ADIPOR2: variants seen among roughly 807,000 people sequenced by gnomAD.
ADIPOR2 encodes the protein adiponectin receptor protein 2.
A neutral mutation model predicts 40.9 loss-of-function variants in ADIPOR2; 18 were observed. The ratio of observed to expected loss-of-function variants is 0.44; its 90% CI spans 0.30 to 0.65. The LOEUF (loss-of-function observed/expected upper bound fraction) is 0.65. Among genes scored for constraint, ADIPOR2 ranks in the 30% least tolerant of loss-of-function variants. The probability of loss-of-function intolerance (pLI) is 0.09; values close to 1 mark genes in which losing one functional copy is unlikely to be tolerated. For missense variants in ADIPOR2, 283 were observed against 479.2 expected (o/e 0.59, Z 3.82); for synonymous variants, 165 against 166.4 (o/e 0.99, Z 0.06).
intron 3 of ADIPOR2, among the ~76,000 whole-genome samples, chr12:1,773,492 T>A (rs1862527222): frequency 6.6e-6 from 1 of 151,620 alleles, no homozygotes; most frequent in South Asian, 2.1e-4. Context: ...ATTGTCTTGA[T>A]TCCCTAGGAC....
intron 1 of ADIPOR2, among the ~76,000 whole-genome samples, chr12:1,742,280 A>T (rs1257663507): frequency 6.6e-6 from 1 of 152,150 alleles, no homozygotes; most frequent in Non-Finnish European, 1.5e-5. Context: ...TTTTGTAGAG[A>T]CGGAGTCTTG....
chr12:1,719,755 A>G (rs1031845187), intron 1 of ADIPOR2, among the ~76,000 whole-genome samples: 7 of 151,430 alleles, frequency 4.6e-5, no homozygotes, highest in African/African-American at 1.2e-4. Context: ...GCTCACTGCA[A>G]CCTCCGCCTC....
chr12:1,754,705 CTACTACTACTACT>C (rs1862081077), intron 2 of ADIPOR2, among the ~76,000 whole-genome samples, 191 bp downstream of exon 2: 1 of 64,118 alleles, frequency 1.6e-5, no homozygotes, highest in African/African-American at 6.7e-5. Context: ...ATTATTACTA[CTACTACTACTACT>C]ACTACTACTA....
At chr12:1,782,730 T>TA (rs1480862067) in intron 6 of ADIPOR2, among the ~76,000 whole-genome samples, 1 of 152,076 alleles carries the variant, frequency 6.6e-6, no homozygotes, top group Non-Finnish European at 1.5e-5. Flanking sequence ...TCCAGAAGTT[T>TA]AAAAAAACAT....
chr12:1,723,427 G>T (rs1330146397), intron 1 of ADIPOR2, among the ~76,000 whole-genome samples: 2 of 143,732 alleles, frequency 1.4e-5, no homozygotes, highest in African/African-American at 5.2e-5. Flanking sequence ...GTCAGGAATT[G>T]GAGCCTGGCC....
chr12:1,703,252 C>T (rs1251492442), intron 1 of ADIPOR2, among the ~76,000 whole-genome samples: 1 of 152,058 alleles, frequency 6.6e-6, no homozygotes, highest in African/African-American at 2.4e-5. Flanking sequence ...AAGTATTTTG[C>T]AGAGAAAATA....
intron 1 of ADIPOR2, among the ~76,000 whole-genome samples, chr12:1,705,357 G>A (rs757217908): frequency 2.0e-5 from 3 of 152,032 alleles, no homozygotes; most frequent in South Asian, 2.1e-4. Flanking sequence ...CCTTGTATTA[G>A]CATTTTTATG....
intron 7 of ADIPOR2, 28 bp from the exon 8 acceptor site, chr12:1,785,915 AC>A (rs747236043): frequency 6.2e-7 from 1 of 1,612,270 alleles, no homozygotes; most frequent in Non-Finnish European, 8.5e-7. Flanking sequence ...GGGTTTCTCT[AC>A]CCCCTTCTCT....
At chr12:1,717,911 A>G (rs1032904694) in intron 1 of ADIPOR2, among the ~76,000 whole-genome samples, 5 of 152,110 alleles carry the variant, frequency 3.3e-5, no homozygotes, top group Non-Finnish European at 7.4e-5. Context: ...TATAATAAGT[A>G]TTTTTTAAAT....
At chr12:1,767,847 ATTTG>A (rs999278113) in intron 2 of ADIPOR2, among the ~76,000 whole-genome samples, 1 of 152,188 alleles carries the variant, frequency 6.6e-6, no homozygotes, top group Non-Finnish European at 1.5e-5. Context: ...ATAAACAAAT[ATTTG>A]TTTGGTAAGT....
intron 1 of ADIPOR2, among the ~76,000 whole-genome samples, chr12:1,699,015 C>T (rs1356849204): frequency 1.3e-5 from 2 of 152,136 alleles, no homozygotes; most frequent in African/African-American, 4.8e-5. Context: ...GTTCCCGGGC[C>T]TCCCTTAGGT....
chr12:1,769,209 C>T (rs148780982), intron 2 of ADIPOR2, among the ~76,000 whole-genome samples: 3 of 152,224 alleles, frequency 2.0e-5, no homozygotes, highest in African/African-American at 7.2e-5. Context: ...TTAAATATAG[C>T]GTCTAGCATA....
intron 1 of ADIPOR2, among the ~76,000 whole-genome samples, chr12:1,708,921 T>A (rs934235438): frequency 6.6e-6 from 1 of 152,108 alleles, no homozygotes; most frequent in African/African-American, 2.4e-5. Flanking sequence ...GGTTTCACCA[T>A]GTTGGCCAGG....
chr12:1,721,112 TAAACTTTG>T lies in ADIPOR2; in HGVS notation c.-87+29922_-87+29929del, dbSNP rs2094697007. On this transcript the variant is annotated intron_variant, in intron 1 of 7. Coordinates refer to ENST00000357103, the MANE Select transcript of ADIPOR2 (RefSeq NM_024551.3). ...CAAGTCTCCCCGAAATGTATAAAACTAAACTTTGCCCCGGCCACCTTGAGCACATGTTG... is the reference window on the plus strand; with the variant it reads ...CAAGTCTCCCCGAAATGTATAAAACTCCCCGGCCACCTTGAGCACATGTTG... Among the ~76,000 whole-genome samples the T allele has an allele frequency of 2.0e-5, 3 of 150,930 alleles. No homozygotes were observed. In the South Asian group the frequency reaches 6.3e-4, roughly 32 times the overall value.
chr12:1,754,622 G>A (rs753576359), intron 2 of ADIPOR2, 108 bp downstream of exon 2: 30 of 1,127,690 alleles, frequency 2.7e-5, no homozygotes, highest in Non-Finnish European at 3.4e-5. Context: ...GGGAGGATGG[G>A]GTGGTAAGAA....
intron 2 of ADIPOR2, among the ~76,000 whole-genome samples, chr12:1,760,016 ACT>A (rs1182699613): frequency 6.6e-6 from 1 of 151,692 alleles, no homozygotes; most frequent in African/African-American, 2.4e-5. Context: ...ACAGAGTAAG[ACT>A]CTGTCTCGGG....
At chr12:1,741,019 A>G (rs189636965) in intron 1 of ADIPOR2, among the ~76,000 whole-genome samples, 1 of 152,146 alleles carries the variant, frequency 6.6e-6, no homozygotes, top group Non-Finnish European at 1.5e-5. Flanking sequence ...CTAGGGCCTG[A>G]TGTTGATCAA....
At chr12:1,740,139 A>G (rs1273499806) in intron 1 of ADIPOR2, among the ~76,000 whole-genome samples, 1 of 152,184 alleles carries the variant, frequency 6.6e-6, no homozygotes, top group Non-Finnish European at 1.5e-5. Flanking sequence ...GTGGCTGTAT[A>G]AAGGATTATG....
chr12:1,708,490 C>G (rs1328156795), intron 1 of ADIPOR2, among the ~76,000 whole-genome samples: 1 of 152,098 alleles, frequency 6.6e-6, no homozygotes, highest in African/African-American at 2.4e-5. Flanking sequence ...ATTTTGGAAG[C>G]CTTACAGTTT....
Sources: allele counts gnomAD v4.1 joint callset (sites outside exome capture counted in the v4.1 genomes callset), GRCh38; gene constraint gnomAD v4.1.1; transcripts MANE v1.5; gene names NCBI Gene and HGNC (gene_info 2026-07-23, HGNC 2026-07-21).